The following TESK2 variants were observed in gnomAD, a reference collection of about 807,000 sequenced individuals.
TESK2 encodes testis associated actin remodelling kinase 2, also known as dual specificity testis-specific protein kinase 2.
Under a neutral mutation model 57.1 loss-of-function variants are expected in TESK2, and 39 were observed. The observed-to-expected ratio is 0.68, with a 90% CI of 0.53 to 0.89. The LOEUF (loss-of-function observed/expected upper bound fraction) is 0.89, where lower values mean the gene tolerates loss of function less well. Ranked by LOEUF, TESK2 falls within the 40% of genes least tolerant of loss-of-function variation. TESK2 has a pLI of 0.00. For synonymous variants in TESK2, 249 were observed against 267.9 expected, an observed-to-expected ratio of 0.93 and a Z score of 0.69; for missense variants, 646 against 732.1, an observed-to-expected ratio of 0.88 and a Z score of 1.36.
chr1:45,387,863 T>G lies in TESK2; in HGVS notation c.345-1903A>C, dbSNP rs180979897. ...CTCTACTAAAAATACAAAAGTTAGC[T>G]GGGCATGGTAGCAGGTGCCTGTAGT... On this transcript the variant is annotated intron_variant, in intron 3 of 10. Coordinates refer to ENST00000372086, the MANE Select transcript of TESK2 (RefSeq NM_007170.3). Among the ~76,000 whole-genome samples, 301 of 152,150 alleles carry G rather than the reference T, an allele frequency of 2.0e-3. 1 individual carries two copies. The highest frequency in any genetic ancestry group is 6.9e-3 in the African/African-American group (286 of 41,514).
intron 2 of TESK2, among the ~76,000 whole-genome samples, chr1:45,425,562 G>A (rs1650654406): frequency 6.6e-6 from 1 of 152,054 alleles, no homozygotes; most frequent in African/African-American, 2.4e-5. Flanking sequence ...AGCTGAGGTG[G>A]GAGGATTGCT....
chr1:45,475,351 C>G (rs1368299197), intron 1 of TESK2, among the ~76,000 whole-genome samples: 1 of 151,742 alleles, frequency 6.6e-6, no homozygotes, highest in Non-Finnish European at 1.5e-5. Flanking sequence ...GGACTACAGG[C>G]ATGTGCCACC....
intron 4 of TESK2, among the ~76,000 whole-genome samples, chr1:45,382,248 AT>A (rs1648691401): frequency 6.6e-6 from 1 of 151,672 alleles, no homozygotes; most frequent in Non-Finnish European, 1.5e-5. Context: ...TTTTCACTAT[AT>A]ATTTTTTGAA....
chr1:45,481,294 G>A (rs1213535644), intron 1 of TESK2, among the ~76,000 whole-genome samples: 2 of 151,906 alleles, frequency 1.3e-5, no homozygotes, highest in East Asian at 1.9e-4. Flanking sequence ...GAACCCAGGA[G>A]GCGGAGTTTG....
intron 1 of TESK2, among the ~76,000 whole-genome samples, chr1:45,486,782 T>TACACGCAC (rs1553160297): frequency 8.6e-6 from 1 of 115,868 alleles, no homozygotes; most frequent in Non-Finnish European, 1.6e-5. Context: ...CCTCCCAGCA[T>TACACGCAC]ACACACACAC....
At chr1:45,484,488 C>A (rs1008685553) in intron 1 of TESK2, among the ~76,000 whole-genome samples, 10 of 151,928 alleles carry the variant, frequency 6.6e-5, no homozygotes, top group Non-Finnish European at 1.0e-4. Context: ...GTAATCCCAG[C>A]ACTTTGGGAG....
chr1:45,475,209 C>CTTTTTTTTTTTTTTTTTTTTTTTT (rs375872140), intron 1 of TESK2, among the ~76,000 whole-genome samples: 2 of 113,158 alleles, frequency 1.8e-5, no homozygotes, highest in Non-Finnish European at 3.6e-5. Context: ...TTAGCCTGGC[C>CTTTTTTTTTTTTTTTTTTTTTTTT]TTTTTTTTTT....
intron 7 of TESK2, among the ~76,000 whole-genome samples, chr1:45,347,380 A>C (rs979424940): frequency 5.3e-5 from 8 of 152,136 alleles, no homozygotes; most frequent in Non-Finnish European, 1.2e-4. Context: ...AGCCTGGCCA[A>C]TATGGTGAAA....
Position 45,347,690 on chromosome 1 carries a change from C to A in TESK2, c.627G>T (p.Met209Ile). ...CCACCACGGCCAGCTTCTCACTCCC[C>A]ATGCTGTGGGGTGAGATTATACAGA... ...GLAEKIPDVS[M>I]GSEKLAVVGS... The change falls in exon 7 of 11, where the codon ATG becomes ATT. Residue 209 changes from methionine to isoleucine, a missense_variant. Coordinates refer to ENST00000372086, the MANE Select transcript of TESK2 (RefSeq NM_007170.3). 6.2e-7 allele frequency: 1 copy of A among 1,614,216 alleles called. No homozygotes were observed. Among genetic ancestry groups the A allele is most frequent in the Non-Finnish European group, 8.5e-7 (1 of 1,180,038 alleles).
chr1:45,461,019 T>C (rs543172512), intron 1 of TESK2, among the ~76,000 whole-genome samples: 92 of 152,220 alleles, frequency 6.0e-4, no homozygotes, highest in Admixed American at 8.5e-4. Context: ...CCCAGAGTCA[T>C]GGGTCATAAT....
At chr1:45,380,972 A>G (rs192267896) in intron 4 of TESK2, among the ~76,000 whole-genome samples, 1 of 152,380 alleles carries the variant, frequency 6.6e-6, no homozygotes, top group East Asian at 1.9e-4. Flanking sequence ...ATGTTGTAAT[A>G]GAAATAGACT....
At position 45,482,705 on chromosome 1, in the gene TESK2, C is replaced by T. The variant is rs563236560; in HGVS notation, c.-87+8147G>A. On this transcript the variant is annotated intron_variant, in intron 1 of 10. Transcript: ENST00000372086. Reference sequence around the variant, plus strand: ...GTCAAAAATTATACCTGGGGCCAGGCGTGGTTGCTCACACCTGTAATCCAG... The same window carrying T: ...GTCAAAAATTATACCTGGGGCCAGGTGTGGTTGCTCACACCTGTAATCCAG... Among the ~76,000 whole-genome samples, 30 of 151,718 alleles carry T rather than the reference C, an allele frequency of 2.0e-4. No individual in the cohort carries two copies. In the South Asian group the frequency reaches 4.6e-3, roughly 23 times the overall value.
intron 2 of TESK2, 37 bp downstream of exon 2, chr1:45,457,527 A>G: frequency 6.3e-7 from 1 of 1,590,168 alleles, no homozygotes; most frequent in Admixed American, 1.7e-5. Flanking sequence ...ATGTGACCAC[A>G]GCAAGACAAT....
intron 4 of TESK2, among the ~76,000 whole-genome samples, chr1:45,356,964 C>T (rs1355656488): frequency 9.9e-5 from 15 of 151,878 alleles, no homozygotes; most frequent in African/African-American, 3.4e-4. Flanking sequence ...GAGGCCGAGG[C>T]GGGTGGATCA....
At chr1:45,475,859 C>A (rs1182498197) in intron 1 of TESK2, among the ~76,000 whole-genome samples, 3 of 152,194 alleles carry the variant, frequency 2.0e-5, no homozygotes, top group African/African-American at 4.8e-5. Flanking sequence ...ATGCTTCCTG[C>A]CCAAGAATGT....
intron 6 of TESK2, 83 bp from the exon 7 acceptor site, chr1:45,347,776 T>C: frequency 6.6e-7 from 1 of 1,514,468 alleles, no homozygotes; most frequent in Non-Finnish European, 9.2e-7. Flanking sequence ...ACCTCAAGGA[T>C]GGGTACAGAC....
chr1:45,360,493 T>G (rs1647639620), intron 4 of TESK2, among the ~76,000 whole-genome samples: 1 of 152,182 alleles, frequency 6.6e-6, no homozygotes, highest in Non-Finnish European at 1.5e-5. Flanking sequence ...AACACTTGTT[T>G]ACTCTGTTCA....
At chr1:45,385,796 TGCATAAACA>T in intron 4 of TESK2, 107 bp downstream of exon 4, 1 of 535,602 alleles carries the variant, frequency 1.9e-6, no homozygotes, top group South Asian at 3.1e-5. Flanking sequence ...CTGCCATTTT[TGCATAAACA>T]TAAATGCACA....
chr1:45,387,493 A>G (rs926797643), intron 3 of TESK2, among the ~76,000 whole-genome samples: 2 of 152,008 alleles, frequency 1.3e-5, no homozygotes, highest in East Asian at 3.9e-4. Flanking sequence ...AAGGAATGGG[A>G]AGAGACTGAC....
Sources: gnomAD v4.1 joint callset for allele counts (sites outside exome capture counted in the v4.1 genomes callset) on GRCh38, gnomAD v4.1.1 for gene constraint, MANE v1.5 for transcripts, NCBI Gene and HGNC (gene_info 2026-07-23, HGNC 2026-07-21) for gene names.